Variants in NAA38 observed in about 807,000 individuals in gnomAD.
NAA38 encodes LSM domain containing 1.
NAA38 carries 15 observed loss-of-function variants against 12.6 expected under a neutral mutation model. The observed-to-expected ratio is 1.19, with a 90% CI of 0.79 to 1.83. The LOEUF (loss-of-function observed/expected upper bound fraction) is 1.83, where lower values mean the gene tolerates loss of function less well. NAA38 is among the 40% of genes most tolerant of loss of function. The pLI is 0.00. For synonymous variants in NAA38, 88 were observed against 69.9 expected, an observed-to-expected ratio of 1.26 and a Z score of -1.29; for missense variants, 183 against 171.7, an observed-to-expected ratio of 1.07 and a Z score of -0.37.
intron 2 of NAA38, among the ~76,000 whole-genome samples, chr17:7,868,182 A>G (rs1967023196): frequency 1.3e-5 from 2 of 152,140 alleles, no homozygotes; most frequent in Admixed American, 6.5e-5. Context: ...AGGTTTGGGG[A>G]GGAGAAAAGG....
upstream of NAA38, chr17:7,857,994 GA>G: frequency 6.6e-7 from 1 of 1,505,070 alleles, no homozygotes; most frequent in East Asian, 2.3e-5. Flanking sequence ...ACGGTGGCCG[GA>G]AAAGGACAAT....
intron 1 of NAA38, 56 bp downstream of exon 1, chr17:7,857,327 C>T (rs918281702): frequency 4.3e-5 from 70 of 1,613,008 alleles, no homozygotes; most frequent in Non-Finnish European, 5.3e-5. Flanking sequence ...GTTCCCCACC[C>T]CCTCCATCTT....
intron 2 of NAA38, chr17:7,866,611 G>T: frequency 1.1e-6 from 1 of 910,130 alleles, no homozygotes; most frequent in Non-Finnish European, 1.4e-6. Flanking sequence ...CTGTTCCTCT[G>T]TGTGGAACAA....
At chr17:7,862,728 A>G (rs1352898890), upstream of NAA38, 6 of 149,124 alleles carry the variant, frequency 4.0e-5, no homozygotes, top group Non-Finnish European at 7.4e-5. Context: ...AACAAGAACG[A>G]AACTCCATCT....
chr17:7,877,999 T>C (rs550090724), intron 2 of NAA38, among the ~76,000 whole-genome samples: 291 of 152,268 alleles, frequency 1.9e-3, no homozygotes, highest in Non-Finnish European at 3.5e-3. Flanking sequence ...CCTATAAAAT[T>C]AGATTAAAGT....
At chr17:7,861,039 GCTAA>G (rs2078879473), upstream of NAA38, 1 of 152,162 alleles carries the variant, frequency 6.6e-6, no homozygotes, top group South Asian at 2.1e-4. Context: ...AAACAGAGAT[GCTAA>G]CTAAGTCAGA....
chr17:7,869,929 A>C (rs936464013), intron 2 of NAA38, among the ~76,000 whole-genome samples: 1 of 152,218 alleles, frequency 6.6e-6, no homozygotes, highest in Non-Finnish European at 1.5e-5. Flanking sequence ...AAAAGTGTGC[A>C]ATTCTGCTGG....
chr17:7,874,601 A>T (rs1317131009), intron 2 of NAA38, among the ~76,000 whole-genome samples: 2 of 152,118 alleles, frequency 1.3e-5, no homozygotes, highest in African/African-American at 4.8e-5. Context: ...GAGATAAAGA[A>T]TTAGCCAGGT....
At chr17:7,869,233 T>C (rs778621491) in intron 2 of NAA38, among the ~76,000 whole-genome samples, 4 of 152,154 alleles carry the variant, frequency 2.6e-5, no homozygotes, top group Non-Finnish European at 4.4e-5. Context: ...ATTTTACAGA[T>C]GGAGGAGCTG....
intron 2 of NAA38, among the ~76,000 whole-genome samples, chr17:7,878,761 A>G (rs1210521563): frequency 6.6e-6 from 1 of 152,198 alleles, no homozygotes; most frequent in African/African-American, 2.4e-5. Flanking sequence ...AAAATGTTGT[A>G]TAATTATAAA....
At position 7,857,517 on chromosome 17, in the gene NAA38, G is replaced by T; in HGVS notation, c.-54C>A. On this transcript the variant is annotated 5_prime_UTR_variant, in exon 1 of 3. Transcript: ENST00000575771. ...AACTTCCTAAGCACCTTTCAGGTTG[G>T]GTGGTCCGAGATCTCGCGAGCGCTC... 1 of 1,475,786 alleles carries T rather than the reference G, an allele frequency of 6.8e-7. No homozygotes were observed. Among genetic ancestry groups the T allele is most frequent in the Non-Finnish European group, 9.0e-7 (1 of 1,115,794 alleles). The allele number at this position is 1,475,786 out of a possible 1,614,324, so 91.4% of individuals were successfully genotyped here. A position where few individuals can be genotyped will look rare whatever the true frequency, so the allele number is the denominator to read the frequency against.
Position 7,881,778 on chromosome 17 carries a change from C to A in NAA38, c.-66+1457G>T, listed in dbSNP as rs1411419511. 2.0e-5 allele frequency among the ~76,000 whole-genome samples: 3 copies of A among 149,762 alleles called. 1 individual carries two copies. The highest frequency in any genetic ancestry group is 4.5e-5 in the Non-Finnish European group (3 of 67,360). ...ACCAAGATGGGGAGCCGTGGCAGGGCCTGGAAGGTAGACAAACCGAGAGAT... is the reference window on the plus strand; with the variant it reads ...ACCAAGATGGGGAGCCGTGGCAGGGACTGGAAGGTAGACAAACCGAGAGAT... On this transcript the variant is annotated intron_variant, in intron 2 of 4. Transcript: ENST00000576861.
At chr17:7,866,402 C>T in intron 3 of NAA38, 3 of 1,119,836 alleles carry the variant, frequency 2.7e-6, no homozygotes, top group Non-Finnish European at 3.4e-6. Flanking sequence ...GCCATTGCGC[C>T]CGGCCGCCAC....
chr17:7,859,708 A>G, upstream of NAA38: 1 of 1,079,602 alleles, frequency 9.3e-7, no homozygotes, highest in Non-Finnish European at 1.4e-6. Flanking sequence ...GGGTGCCTGG[A>G]CCCAGATCTC....
chr17:7,875,049 A>G (rs1967151479), intron 2 of NAA38, among the ~76,000 whole-genome samples: 2 of 151,606 alleles, frequency 1.3e-5, no homozygotes, highest in African/African-American at 4.8e-5. Context: ...TTTTAAAACT[A>G]TCCGGTTGTG....
intron 2 of NAA38, among the ~76,000 whole-genome samples, chr17:7,882,192 G>C (rs967395558): frequency 3.3e-5 from 5 of 152,180 alleles, no homozygotes; most frequent in African/African-American, 1.2e-4. Context: ...CGCACCTGCA[G>C]ATCATGGCAC....
At chr17:7,858,088 G>A (rs551277245), upstream of NAA38, 2 of 1,608,536 alleles carry the variant, frequency 1.2e-6, no homozygotes, top group Admixed American at 3.3e-5. Context: ...ACGTGCTGAG[G>A]AGCAAAGGAG....
chr17:7,868,458 G>A (rs551766855), intron 2 of NAA38, among the ~76,000 whole-genome samples: 1 of 152,254 alleles, frequency 6.6e-6, no homozygotes, highest in Middle Eastern at 3.4e-3. Context: ...GAGTGTTCTG[G>A]CTTTATAACC....
exon 3 of NAA38, chr17:7,866,492 A>G (rs1348422479): frequency 3.2e-6 from 4 of 1,231,284 alleles, no homozygotes; most frequent in Non-Finnish European, 4.0e-6. Context: ...AACCCTTACC[A>G]TGGTCCAGAA....
Sources: gnomAD v4.1 joint callset for allele counts (sites outside exome capture counted in the v4.1 genomes callset) on GRCh38, gnomAD v4.1.1 for gene constraint, MANE v1.5 for transcripts, NCBI Gene and HGNC (gene_info 2026-07-23, HGNC 2026-07-21) for gene names.